The following PLEKHA5 variants were observed in gnomAD, a reference collection of about 807,000 sequenced individuals.
The protein encoded by PLEKHA5 is pleckstrin homology domain-containing family A member 5.
PLEKHA5 carries 55 observed loss-of-function variants against 181.9 expected under a neutral mutation model. The observed-to-expected ratio is 0.30, with a 90% CI of 0.24 to 0.38. PLEKHA5 has a LOEUF of 0.38. PLEKHA5 is among the 10% of genes least tolerant of loss of function. The probability of loss-of-function intolerance (pLI) is 1.00; values close to 1 mark genes in which losing one functional copy is unlikely to be tolerated. For missense variants in PLEKHA5, 1,432 were observed against 1,549.5 expected, an observed-to-expected ratio of 0.92 and a Z score of 1.27; for synonymous variants, 535 against 529.4, an observed-to-expected ratio of 1.01 and a Z score of -0.15.
intron 3 of PLEKHA5, among the ~76,000 whole-genome samples, chr12:19,233,062 A>G (rs900252597): frequency 6.6e-6 from 1 of 150,934 alleles, no homozygotes; most frequent in Non-Finnish European, 1.5e-5. Flanking sequence ...CTGATTACCA[A>G]CTTTTAGCAG....
chr12:19,164,826 G>T (rs974679690), intron 3 of PLEKHA5, among the ~76,000 whole-genome samples: 4 of 152,020 alleles, frequency 2.6e-5, no homozygotes, highest in African/African-American at 4.8e-5. Flanking sequence ...TTTATCTCTG[G>T]CTGTCTTCTT....
intron 16 of PLEKHA5, among the ~76,000 whole-genome samples, chr12:19,317,165 G>T (rs368719941): frequency 9.9e-5 from 15 of 152,156 alleles, no homozygotes; most frequent in South Asian, 8.3e-4. Flanking sequence ...CCAGGAGTTT[G>T]AGACTAGCCT....
intron 3 of PLEKHA5, among the ~76,000 whole-genome samples, chr12:19,144,364 C>A (rs2038302163): frequency 6.6e-6 from 1 of 152,192 alleles, no homozygotes; most frequent in Non-Finnish European, 1.5e-5. Context: ...GGAACAAACA[C>A]CAGCGTCTCT....
At chr12:19,310,439 G>A (rs966251944) in intron 15 of PLEKHA5, among the ~76,000 whole-genome samples, 9 of 151,036 alleles carry the variant, frequency 6.0e-5, no homozygotes, top group African/African-American at 1.2e-4. Context: ...GTGAAACCCC[G>A]TCTCTATTAA....
At chr12:19,191,635 A>G (rs2051141442) in intron 3 of PLEKHA5, among the ~76,000 whole-genome samples, 1 of 152,212 alleles carries the variant, frequency 6.6e-6, no homozygotes, top group African/African-American at 2.4e-5. Flanking sequence ...ACATAATGCA[A>G]TAATCATTTA....
Position 19,253,870 on chromosome 12 carries a change from T to G in PLEKHA5, c.228-70T>G. ...TTTGAATTTCATTTCCTTTGTAGAC[T>G]AATGTTACAATAAATAAATGGGAAT... On this transcript the variant is annotated intron_variant, in intron 3 of 31. Coordinates refer to ENST00000429027, the MANE Select transcript of PLEKHA5 (RefSeq NM_001256470.2). The G allele has an allele frequency of 1.1e-5, 10 of 914,964 alleles. No individual in the cohort carries two copies. In the South Asian group the frequency reaches 1.4e-4, roughly 13 times the overall value. The allele number at this position is 914,964 out of a possible 1,614,324, so 56.7% of individuals were successfully genotyped here. A position where few individuals can be genotyped will look rare whatever the true frequency, so the allele number is the denominator to read the frequency against.
chr12:19,255,245 A>G lies in PLEKHA5; in HGVS notation c.432+80A>G, dbSNP rs1394818902. Reference sequence around the variant, plus strand: ...CGTTACTCATAATGGACTTAAAAGTATAGAATAATAATTACATTTTTATTA... The same window carrying G: ...CGTTACTCATAATGGACTTAAAAGTGTAGAATAATAATTACATTTTTATTA... On this transcript the variant is annotated intron_variant, in intron 5 of 31. Coordinates refer to ENST00000429027, the MANE Select transcript of PLEKHA5 (RefSeq NM_001256470.2). 5.0e-6 allele frequency: 4 copies of G among 797,404 alleles called. No individual in the cohort carries two copies. In the African/African-American group the frequency reaches 5.4e-5, roughly 11 times the overall value. The allele number at this position is 797,404 out of a possible 1,614,324, so 49.4% of individuals were successfully genotyped here. A position where few individuals can be genotyped will look rare whatever the true frequency, so the allele number is the denominator to read the frequency against.
chr12:19,362,817 AAGCTGT>A (rs998074315), intron 29 of PLEKHA5, among the ~76,000 whole-genome samples: 3 of 152,096 alleles, frequency 2.0e-5, no homozygotes, highest in African/African-American at 7.2e-5. Flanking sequence ...AAAGGCATAT[AAGCTGT>A]AGCAGAGTAA....
intron 3 of PLEKHA5, among the ~76,000 whole-genome samples, chr12:19,135,982 C>T (rs527551533): frequency 2.7e-5 from 4 of 150,294 alleles, no homozygotes; most frequent in Non-Finnish European, 5.9e-5. Context: ...TGGGCTTAAG[C>T]GATCCTCCCA....
intron 31 of PLEKHA5, among the ~76,000 whole-genome samples, chr12:19,375,139 C>A (rs1180875738): frequency 6.6e-6 from 1 of 151,906 alleles, no homozygotes; most frequent in Non-Finnish European, 1.5e-5. Context: ...GCCTGGCCAA[C>A]ATGGTGAAAC....
At chr12:19,296,373 G>C (rs77022914) in intron 15 of PLEKHA5, among the ~76,000 whole-genome samples, 29,273 of 151,652 alleles carry the variant, frequency 0.19, 3,264 homozygotes, top group East Asian at 0.33. Flanking sequence ...CATGGTGAAA[G>C]CCCATCTCTA....
intron 3 of PLEKHA5, among the ~76,000 whole-genome samples, chr12:19,247,261 G>C (rs550090413): frequency 3.0e-4 from 46 of 152,280 alleles, no homozygotes; most frequent in African/African-American, 1.0e-3. Flanking sequence ...ATTTAAACCT[G>C]GTAAATTGCT....
intron 15 of PLEKHA5, among the ~76,000 whole-genome samples, chr12:19,310,655 G>A (rs892186900): frequency 7.3e-5 from 11 of 150,046 alleles, no homozygotes; most frequent in Admixed American, 2.7e-4. Context: ...AGTAGCTCTC[G>A]CCTATAATCC....
intron 21 of PLEKHA5, among the ~76,000 whole-genome samples, chr12:19,341,524 G>C (rs2093926816): frequency 6.6e-6 from 1 of 151,778 alleles, no homozygotes; most frequent in Admixed American, 6.6e-5. Context: ...CGTTGTGTTT[G>C]GCTCTTGCAT....
intron 3 of PLEKHA5, among the ~76,000 whole-genome samples, chr12:19,235,291 C>T (rs993351861): frequency 2.6e-5 from 4 of 152,080 alleles, no homozygotes; most frequent in Non-Finnish European, 4.4e-5. Context: ...AGTTATGTTG[C>T]GTGCTAGATT....
At chr12:19,249,701 T>G (rs904075263) in intron 3 of PLEKHA5, among the ~76,000 whole-genome samples, 4 of 152,152 alleles carry the variant, frequency 2.6e-5, no homozygotes, top group African/African-American at 9.7e-5. Flanking sequence ...CATAGCTGCC[T>G]TTATTCAGTT....
chr12:19,319,171 T>C lies in PLEKHA5; in HGVS notation c.2119-850T>C, dbSNP rs555975943. Among the ~76,000 whole-genome samples the C allele has an allele frequency of 3.9e-5, 6 of 152,310 alleles. No homozygotes were observed. The South Asian group carries it at 1.2e-3, about 32-fold the overall frequency. ...CTCAGGACACACCTGAGGATACTTATTTTGAATAGTATAAGAGTATTCTAA... is the reference window on the plus strand; with the variant it reads ...CTCAGGACACACCTGAGGATACTTACTTTGAATAGTATAAGAGTATTCTAA... On this transcript the variant is annotated intron_variant, in intron 16 of 31. Transcript: ENST00000429027.
At position 19,274,997 on chromosome 12, in the gene PLEKHA5, T is replaced by C; in HGVS notation, c.1313+14T>C. On this transcript the variant is annotated intron_variant, in intron 11 of 31. Transcript: ENST00000429027. ...AGAAACCAGGGGGTAAGTGTCTGTCTTGTCATTATGAACCCAGGTTTCTTT... is the reference window on the plus strand; with the variant it reads ...AGAAACCAGGGGGTAAGTGTCTGTCCTGTCATTATGAACCCAGGTTTCTTT... 1.9e-6 allele frequency: 3 copies of C among 1,558,420 alleles called. No individual in the cohort carries two copies. The highest frequency in any genetic ancestry group is 2.6e-6 in the Non-Finnish European group (3 of 1,142,082).
chr12:19,196,812 C>CT (rs3056387), intron 3 of PLEKHA5, among the ~76,000 whole-genome samples: 103 of 122,570 alleles, frequency 8.4e-4, no homozygotes, highest in South Asian at 7.9e-3. Context: ...TTTTTTTTTT[C>CT]TTTTTTTTTT....
Sources: allele counts gnomAD v4.1 joint callset (sites outside exome capture counted in the v4.1 genomes callset), GRCh38; gene constraint gnomAD v4.1.1; transcripts MANE v1.5; gene names NCBI Gene and HGNC (gene_info 2026-07-23, HGNC 2026-07-21).